FANCD2OS: variants seen among roughly 807,000 people sequenced by gnomAD.
FANCD2OS encodes the protein FANCD2 opposite strand protein.
FANCD2OS carries 11 observed loss-of-function variants against 13.2 expected under a neutral mutation model. That is an observed-to-expected ratio of 0.83 (90% CI 0.52 to 1.38). FANCD2OS has a LOEUF of 1.38. Ranked by LOEUF, FANCD2OS falls within the 40% of genes most tolerant of loss-of-function variation. FANCD2OS has a pLI of 0.00. For missense variants in FANCD2OS, 217 were observed against 213.9 expected (o/e 1.01, Z -0.09); for synonymous variants, 69 against 84.5 (o/e 0.82, Z 1.01).
intron 2 of FANCD2OS, chr3:10,090,441 TG>T: frequency 1.1e-5 from 9 of 787,988 alleles, no homozygotes; most frequent in Non-Finnish European, 1.8e-5. Flanking sequence ...TGGAAGTTGC[TG>T]ATTTTTTTTT....
intron 2 of FANCD2OS, chr3:10,096,477 G>A: frequency 6.2e-7 from 1 of 1,613,754 alleles, no homozygotes; most frequent in Non-Finnish European, 8.5e-7. Flanking sequence ...TTGCAGGTAA[G>A]CCTTGGATCC....
intron 1 of FANCD2OS, among the ~76,000 whole-genome samples, chr3:10,106,582 T>C (rs1321341119): frequency 6.6e-6 from 1 of 152,096 alleles, no homozygotes; most frequent in African/African-American, 2.4e-5. Context: ...TTTTGACACC[T>C]TCACCGCCGT....
chr3:10,100,636 T>C (rs1375620168), downstream of FANCD2OS, among the ~76,000 whole-genome samples: 1 of 152,170 alleles, frequency 6.6e-6, no homozygotes, highest in African/African-American at 2.4e-5. Context: ...CCTTCCAAAG[T>C]GTTGGGATTA....
intron 2 of FANCD2OS, among the ~76,000 whole-genome samples, chr3:10,087,706 G>A (rs1423115669): frequency 6.6e-6 from 1 of 151,870 alleles, no homozygotes; most frequent in Non-Finnish European, 1.5e-5. Flanking sequence ...GGAGTGCAGT[G>A]GTGCGATGTT....
intron 2 of FANCD2OS, among the ~76,000 whole-genome samples, chr3:10,089,291 A>G (rs1393264060): frequency 6.6e-6 from 1 of 151,966 alleles, no homozygotes; most frequent in Non-Finnish European, 1.5e-5. Context: ...ATCTCAAAAA[A>G]AAAAAGAATC....
At position 10,090,376 on chromosome 3, in the gene FANCD2OS, C is replaced by T. The variant is rs368684162; in HGVS notation, c.*44-8845G>A. ...AAATTGAGCCTGGCACAGCAGCAGA[C>T]TCGCAGCAGGTGAGTAAGATAATAG... On this transcript the variant is annotated intron_variant, in intron 2 of 2. Coordinates refer to the FANCD2OS transcript ENST00000524279. 5 of 1,607,096 alleles carry T rather than the reference C, an allele frequency of 3.1e-6. No individual in the cohort carries two copies. The African/African-American group carries it at 5.4e-5, about 17-fold the overall frequency.
chr3:10,088,893 C>T, intron 2 of FANCD2OS: 1 of 1,613,940 alleles, frequency 6.2e-7, no homozygotes. Flanking sequence ...GTTGGTGTCC[C>T]AGAACTGATC....
chr3:10,085,762 A>T (rs1201501088), intron 2 of FANCD2OS: 2 of 1,155,670 alleles, frequency 1.7e-6, no homozygotes, highest in African/African-American at 3.0e-5. Flanking sequence ...AATACTATCC[A>T]AGTAGTTTTC....
rs1246011182 is a variant in FANCD2OS, at chr3:10,088,890, T to A, written c.*44-7359A>T. ...ATAGAGGAGATTGCTGGTGTTGGTG[T>A]CCCAGAACTGATCAACTCTCCTAAA... On this transcript the variant is annotated intron_variant, in intron 2 of 2. Transcript: ENST00000524279. The A allele has an allele frequency of 1.2e-6, 2 of 1,613,786 alleles. No homozygotes were observed. The highest frequency in any genetic ancestry group is 3.3e-5 in the Admixed American group (2 of 59,976).
downstream of FANCD2OS, chr3:10,101,062 CT>C (rs1695270143): frequency 1.2e-4 from 86 of 690,630 alleles, no homozygotes; most frequent in Non-Finnish European, 1.7e-4. Flanking sequence ...AGCAAGACTC[CT>C]TTAAAAAAAA....
intron 2 of FANCD2OS, chr3:10,092,398 A>T: frequency 1.4e-6 from 1 of 732,706 alleles, no homozygotes; most frequent in Non-Finnish European, 2.4e-6. Context: ...TTGTCCCCCT[A>T]CCCATCCTGG....
chr3:10,100,096 G>A (rs1439466762), downstream of FANCD2OS, among the ~76,000 whole-genome samples: 3 of 152,098 alleles, frequency 2.0e-5, no homozygotes, highest in African/African-American at 7.2e-5. Flanking sequence ...GCTGAGGTGG[G>A]AGGGTTGCTC....
intron 2 of FANCD2OS, chr3:10,087,031 C>A: frequency 1.6e-6 from 2 of 1,230,696 alleles, no homozygotes; most frequent in Non-Finnish European, 1.2e-6. Context: ...TCTGATTAGG[C>A]CGTCAAACAC....
rs1280908436 is a variant in FANCD2OS, at chr3:10,089,100, CAT to C, written c.*44-7571_*44-7570del. ...GGAGTTTTGAGACCCACTTGGCCAA[CAT>C]AGTGAAACCCTGTCCCTACTAAAAA... On this transcript the variant is annotated intron_variant, in intron 2 of 2. Coordinates refer to the FANCD2OS transcript ENST00000524279. 3 of 845,390 alleles carry C rather than the reference CAT, an allele frequency of 3.5e-6. No individual in the cohort carries two copies. The Middle Eastern group carries it at 1.0e-3, about 292-fold the overall frequency. 52.4% of individuals were successfully genotyped at this position (845,390 alleles called of 1,614,324 possible).
downstream of FANCD2OS, among the ~76,000 whole-genome samples, chr3:10,100,418 G>T (rs11926481): frequency 0.23 from 34,943 of 152,066 alleles, 5,141 homozygotes; most frequent in African/African-American, 0.42. Flanking sequence ...CTGTCGCCCA[G>T]GCTAGCATGC....
chr3:10,087,372 C>A, intron 2 of FANCD2OS: 2 of 1,086,354 alleles, frequency 1.8e-6, no homozygotes, highest in Non-Finnish European at 2.6e-6. Flanking sequence ...TAAATCCCCA[C>A]ATAACCTTGG....
At chr3:10,090,071 C>T (rs1694493729) in intron 2 of FANCD2OS, among the ~76,000 whole-genome samples, 1 of 152,150 alleles carries the variant, frequency 6.6e-6, no homozygotes, top group Non-Finnish European at 1.5e-5. Flanking sequence ...TTCCATACTA[C>T]CATAACACCT....
chr3:10,095,357 C>A, intron 2 of FANCD2OS: 1 of 1,091,270 alleles, frequency 9.2e-7, no homozygotes, highest in Non-Finnish European at 1.4e-6. Flanking sequence ...GGGCTACCAT[C>A]CTTCTTCCTT....
downstream of FANCD2OS, chr3:10,103,049 G>A: frequency 2.3e-6 from 1 of 439,168 alleles, no homozygotes. Flanking sequence ...TTGAGTCCAG[G>A]AGTTCAAGAC....
Sources: gnomAD v4.1 joint callset for allele counts (sites outside exome capture counted in the v4.1 genomes callset) on GRCh38, gnomAD v4.1.1 for gene constraint, MANE v1.5 for transcripts, NCBI Gene and HGNC (gene_info 2026-07-23, HGNC 2026-07-21) for gene names.